Variants in TMEM130 observed in about 807,000 individuals in gnomAD.
The protein encoded by TMEM130 is transmembrane protein 130.
A neutral mutation model predicts 42.9 loss-of-function variants in TMEM130; 37 were observed. The ratio of observed to expected loss-of-function variants is 0.86; its 90% CI spans 0.66 to 1.13. TMEM130 has a LOEUF of 1.13. Among genes scored for constraint, TMEM130 ranks in the 50% most tolerant of loss-of-function variants. The pLI, the probability that TMEM130 is intolerant of heterozygous loss-of-function variation, is 0.00. For synonymous variants in TMEM130, 259 were observed against 237.7 expected (o/e 1.09, Z -0.82); for missense variants, 545 against 562.6 (o/e 0.97, Z 0.32).
Position 98,860,349 on chromosome 7 carries a change from G to C in TMEM130, c.392-11C>G. 1 of 1,580,434 alleles carries C rather than the reference G, an allele frequency of 6.3e-7. No homozygotes were observed. The highest frequency in any genetic ancestry group is 8.6e-7 in the Non-Finnish European group (1 of 1,160,550). On this transcript the variant is annotated splice_polypyrimidine_tract_variant and intron_variant, in intron 2 of 7. Coordinates refer to ENST00000339375, the MANE Select transcript of TMEM130 (RefSeq NM_152913.3). ...CCCCCACGAGGAACTCTGGGAGAGA[G>C]AGAGACACGGGAGGGTGAGTCTTGG... is the stretch of plus-strand genomic sequence containing the variant.
At position 98,850,268 on chromosome 7, in the gene TMEM130, TATATA is replaced by T. The variant is rs147784126; in HGVS notation, c.1006+1148_1006+1152del. On this transcript the variant is annotated intron_variant, in intron 6 of 7. Transcript: ENST00000339375. ...TCTCTCTCATATATATATATATATA[TATATA>T]TTTTTTTTTTTTTTTAATTTTTTGA... Among the ~76,000 whole-genome samples the T allele has an allele frequency of 4.5e-3, 267 of 59,056 alleles. 2 individuals carry two copies. The highest frequency in any genetic ancestry group is 0.013 in the African/African-American group (205 of 16,238). The allele number at this position is 59,056 out of a possible 152,430, so 38.7% of individuals were successfully genotyped here.
chr7:98,865,969 T>C (rs533497844), intron 1 of TMEM130: 28 of 178,694 alleles, frequency 1.6e-4, no homozygotes, highest in Middle Eastern at 6.3e-4. Flanking sequence ...CAGGTCCATT[T>C]TGGGAAATCA....
At chr7:98,850,229 T>C (rs1195011709) in intron 6 of TMEM130, among the ~76,000 whole-genome samples, 1 of 129,636 alleles carries the variant, frequency 7.7e-6, no homozygotes, top group Non-Finnish European at 1.6e-5. Flanking sequence ...TCTCAATCCC[T>C]CTCTCTCTCT....
chr7:98,857,564 A>G (rs541827739), intron 3 of TMEM130, among the ~76,000 whole-genome samples: 20 of 151,852 alleles, frequency 1.3e-4, no homozygotes, highest in Admixed American at 1.2e-3. Flanking sequence ...GCCAGTCGTA[A>G]TGTTACAGGC....
chr7:98,869,962 G>A lies in TMEM130; in HGVS notation c.-101C>T, dbSNP rs1794997843. The A allele has an allele frequency of 4.2e-6, 3 of 707,952 alleles. No homozygotes were observed. The highest frequency in any genetic ancestry group is 5.9e-6 in the Non-Finnish European group (3 of 511,296). 43.9% of individuals were successfully genotyped at this position (707,952 alleles called of 1,614,324 possible). On this transcript the variant is annotated 5_prime_UTR_variant, in exon 1 of 8. Transcript: ENST00000339375. The surrounding 1 kb of genome is among the most constrained non-coding windows in gnomAD (Gnocchi z 4.7). ...GCTCCTCCGGGCGCGCAGCGCGGGCGGTGCGGGGAGGTGCGGGCGCCGTGC... is the reference window on the plus strand; with the variant it reads ...GCTCCTCCGGGCGCGCAGCGCGGGCAGTGCGGGGAGGTGCGGGCGCCGTGC...
chr7:98,864,311 T>C (rs541792448), intron 1 of TMEM130, among the ~76,000 whole-genome samples: 1 of 151,602 alleles, frequency 6.6e-6, no homozygotes, highest in East Asian at 1.9e-4. Flanking sequence ...GCTCAAGTGA[T>C]CCTCCCACCT....
At chr7:98,865,383 G>A (rs370517864) in intron 1 of TMEM130, among the ~76,000 whole-genome samples, 108 of 152,280 alleles carry the variant, frequency 7.1e-4, no homozygotes, top group African/African-American at 2.4e-3. Flanking sequence ...CGAGGCGGGC[G>A]GATCACCTGA....
At chr7:98,851,399 C>A in intron 6 of TMEM130, 22 bp downstream of exon 6, 1 of 1,612,720 alleles carries the variant, frequency 6.2e-7, no homozygotes, top group South Asian at 1.1e-5. Flanking sequence ...GGCACTGGAG[C>A]AGAAGGCGAG....
At chr7:98,864,249 A>AG (rs1264892674) in intron 1 of TMEM130, among the ~76,000 whole-genome samples, 1 of 152,102 alleles carries the variant, frequency 6.6e-6, no homozygotes, top group African/African-American at 2.4e-5. Flanking sequence ...TCTGTCATCC[A>AG]GGCTGGGGTG....
chr7:98,859,491 T>A (rs1252006679), intron 3 of TMEM130, among the ~76,000 whole-genome samples: 1 of 152,112 alleles, frequency 6.6e-6, no homozygotes, highest in East Asian at 1.9e-4. Flanking sequence ...GGCTAGTGGC[T>A]GATTCACCAG....
At chr7:98,858,421 G>A (rs1554399331) in intron 3 of TMEM130, among the ~76,000 whole-genome samples, 1 of 151,996 alleles carries the variant, frequency 6.6e-6, no homozygotes, top group African/African-American at 2.4e-5. Context: ...ACATGCCTGT[G>A]GTCCCAGCTA....
rs372576164 is a variant in TMEM130, at chr7:98,859,098, AAAAG to A, written c.551+1077_551+1080del. On this transcript the variant is annotated intron_variant, in intron 3 of 7. Coordinates refer to ENST00000339375, the MANE Select transcript of TMEM130 (RefSeq NM_152913.3). ...GGAAAGGAAAGAAAGGAAAGGAAGA[AAAAG>A]AAGGAAGAAAGGAAGGGAGGGAGGG... Among the ~76,000 whole-genome samples, 500 of 147,210 alleles carry A rather than the reference AAAAG, an allele frequency of 3.4e-3. 2 individuals carry two copies. The highest frequency in any genetic ancestry group is 6.2e-3 in the African/African-American group (247 of 39,980).
chr7:98,861,531 A>G (rs1353980769), intron 2 of TMEM130, among the ~76,000 whole-genome samples: 3 of 151,902 alleles, frequency 2.0e-5, no homozygotes, highest in Admixed American at 6.6e-5. Context: ...CCTGGCCAAC[A>G]TAGCGAAACC....
intron 3 of TMEM130, among the ~76,000 whole-genome samples, chr7:98,858,363 A>G (rs1471630652): frequency 2.3e-5 from 1 of 43,082 alleles, no homozygotes; most frequent in Non-Finnish European, 6.3e-5. Context: ...CAACATAGTG[A>G]GACCCCATCT....
intron 1 of TMEM130, among the ~76,000 whole-genome samples, chr7:98,865,323 G>A (rs374458891): frequency 6.6e-6 from 1 of 152,290 alleles, no homozygotes; most frequent in Admixed American, 6.5e-5. Flanking sequence ...AACAAGAAAG[G>A]CTGGCCAGGC....
At chr7:98,861,395 A>G (rs1274913924) in intron 2 of TMEM130, among the ~76,000 whole-genome samples, 1 of 151,406 alleles carries the variant, frequency 6.6e-6, no homozygotes, top group African/African-American at 2.4e-5. Context: ...CGTTGGGACC[A>G]CTGTCCTATG....
intron 1 of TMEM130, among the ~76,000 whole-genome samples, chr7:98,868,389 T>C (rs1311849161): frequency 6.6e-6 from 1 of 152,190 alleles, no homozygotes; most frequent in Admixed American, 6.5e-5. Flanking sequence ...CCCCAAAGCT[T>C]GGCCCATGGA....
intron 2 of TMEM130, among the ~76,000 whole-genome samples, chr7:98,862,104 C>T (rs1554399849): frequency 6.6e-6 from 1 of 152,130 alleles, no homozygotes; most frequent in East Asian, 1.9e-4. Context: ...CTATTATAAA[C>T]ACTATTGCAA....
At chr7:98,857,237 C>T (rs1165967702) in intron 3 of TMEM130, among the ~76,000 whole-genome samples, 3 of 152,146 alleles carry the variant, frequency 2.0e-5, no homozygotes, top group Admixed American at 2.0e-4. Context: ...ATTTTCTTGA[C>T]TTTCCTAAGT....
Sources: gnomAD v4.1 joint callset for allele counts (sites outside exome capture counted in the v4.1 genomes callset) on GRCh38, gnomAD v4.1.1 for gene constraint, Gnocchi (gnomAD v3.1) non-coding constraint, MANE v1.5 for transcripts, NCBI Gene and HGNC (gene_info 2026-07-23, HGNC 2026-07-21) for gene names.